Variants in TMEM232 observed in about 807,000 individuals in gnomAD.
TMEM232 encodes the protein transmembrane protein 232.
TMEM232 carries 80 observed loss-of-function variants against 78.8 expected under a neutral mutation model. That is an observed-to-expected ratio of 1.01 (90% CI 0.85 to 1.22). The LOEUF (loss-of-function observed/expected upper bound fraction) is 1.22, where lower values mean the gene tolerates loss of function less well. Among genes scored for constraint, TMEM232 ranks in the 50% most tolerant of loss-of-function variants. The pLI is 0.00. For missense variants in TMEM232, 881 were observed against 742.2 expected (o/e 1.19, Z -2.17); for synonymous variants, 297 against 254.3 (o/e 1.17, Z -1.60).
At chr5:110,645,161 T>C (rs1257318677) in intron 2 of TMEM232, among the ~76,000 whole-genome samples, 1 of 151,526 alleles carries the variant, frequency 6.6e-6, no homozygotes, top group Non-Finnish European at 1.5e-5. Flanking sequence ...CAAAGATGAA[T>C]TACTACCAAC....
chr5:110,471,717 G>A (rs1175666096), intron 12 of TMEM232, among the ~76,000 whole-genome samples: 1 of 151,764 alleles, frequency 6.6e-6, no homozygotes, highest in Non-Finnish European at 1.5e-5. Context: ...ATCTTTTCCA[G>A]ACAAGCAAAA....
intron 1 of TMEM232, among the ~76,000 whole-genome samples, chr5:110,699,415 A>G (rs1051504021): frequency 5.9e-5 from 9 of 152,082 alleles, no homozygotes; most frequent in African/African-American, 2.2e-4. Flanking sequence ...CTTCTTGTAA[A>G]TTTTTGACTC....
In TMEM232 at chr5:110,587,685, ATATATATGTGTGTGTGTGTG is replaced by A. The variant is rs1306649410; in HGVS notation, c.1276+17404_1276+17423del. Among the ~76,000 whole-genome samples, 778 of 90,602 alleles carry A rather than the reference ATATATATGTGTGTGTGTGTG, an allele frequency of 8.6e-3. 6 individuals carry two copies. The highest frequency in any genetic ancestry group is 0.041 in the African/African-American group (730 of 17,876). 59.4% of individuals were successfully genotyped at this position (90,602 alleles called of 152,430 possible). ...TATGTATATATATATATATATATAT[ATATATATGTGTGTGTGTGTG>A]TGTGTGTGTGTGTGTGTGTGTGTGT... On this transcript the variant is annotated intron_variant, in intron 10 of 13. Transcript: ENST00000455884.
chr5:110,387,810 TC>T (rs1755042871), exon 5 of TMEM232: 1 of 152,232 alleles, frequency 6.6e-6, no homozygotes, highest in South Asian at 2.1e-4. Context: ...TTGCCTGTTG[TC>T]CTTTTCACGT....
chr5:110,414,474 T>C (rs1489298128), intron 2 of TMEM232, among the ~76,000 whole-genome samples: 1 of 152,220 alleles, frequency 6.6e-6, no homozygotes, highest in African/African-American at 2.4e-5. Flanking sequence ...TCAGTTCATA[T>C]ATATGTTGCA....
At chr5:110,681,495 T>C (rs1298095612) in intron 1 of TMEM232, among the ~76,000 whole-genome samples, 2 of 152,206 alleles carry the variant, frequency 1.3e-5, no homozygotes, top group Non-Finnish European at 2.9e-5. Flanking sequence ...TTAAGTAAGA[T>C]AAAATATTCT....
At chr5:110,433,256 A>T (rs1197460037) in intron 12 of TMEM232, among the ~76,000 whole-genome samples, 1 of 151,816 alleles carries the variant, frequency 6.6e-6, no homozygotes, top group Non-Finnish European at 1.5e-5. Context: ...AATAGATTTT[A>T]AGCAAAATTA....
chr5:110,457,954 T>C (rs115430266), intron 12 of TMEM232, among the ~76,000 whole-genome samples: 3,054 of 152,212 alleles, frequency 0.02, 95 homozygotes, highest in African/African-American at 0.069. Flanking sequence ...ATAGAAATTG[T>C]GTTTTTCCAC....
chr5:110,592,664 C>T (rs748511589), intron 10 of TMEM232, among the ~76,000 whole-genome samples: 10 of 151,952 alleles, frequency 6.6e-5, no homozygotes, highest in Non-Finnish European at 1.5e-4. Context: ...AAAATGAAAA[C>T]AAAAACAAAA....
At chr5:110,679,361 T>A (rs1407353080) in intron 1 of TMEM232, among the ~76,000 whole-genome samples, 1 of 152,228 alleles carries the variant, frequency 6.6e-6, no homozygotes, top group African/African-American at 2.4e-5. Flanking sequence ...TGGTCCATTT[T>A]TAATCATGTT....
intron 12 of TMEM232, among the ~76,000 whole-genome samples, chr5:110,479,953 A>T (rs1195285838): frequency 6.7e-6 from 1 of 149,440 alleles, no homozygotes; most frequent in Non-Finnish European, 1.5e-5. Flanking sequence ...TCAGCAGAGA[A>T]AAAAATACAT....
chr5:110,630,061 G>C (rs1197485453), intron 5 of TMEM232, among the ~76,000 whole-genome samples: 1 of 152,070 alleles, frequency 6.6e-6, no homozygotes, highest in Non-Finnish European at 1.5e-5. Flanking sequence ...AAGAACAAAA[G>C]GGAGGTTTCC....
At chr5:110,668,296 A>G (rs114820461) in intron 1 of TMEM232, among the ~76,000 whole-genome samples, 1,785 of 152,240 alleles carry the variant, frequency 0.012, 45 homozygotes, top group African/African-American at 0.04. Flanking sequence ...CAGCTATTAA[A>G]GAGTTGTGCT....
intron 12 of TMEM232, among the ~76,000 whole-genome samples, chr5:110,516,166 G>A (rs562788673): frequency 1.3e-5 from 2 of 152,216 alleles, no homozygotes; most frequent in South Asian, 2.1e-4. Context: ...GTGAACCTGG[G>A]AGGCGGAGCT....
intron 12 of TMEM232, among the ~76,000 whole-genome samples, chr5:110,524,208 G>A (rs1395805237): frequency 1.0e-4 from 15 of 144,972 alleles, no homozygotes; most frequent in Non-Finnish European, 1.9e-4. Flanking sequence ...GTTGCAGTAA[G>A]CTGAGATCCA....
intron 12 of TMEM232, among the ~76,000 whole-genome samples, chr5:110,454,064 G>C (rs1760612235): frequency 6.6e-6 from 1 of 152,224 alleles, no homozygotes; most frequent in South Asian, 2.1e-4. Flanking sequence ...AATTATACTT[G>C]GGTAGTTCAA....
chr5:110,640,873 A>G lies in TMEM232; in HGVS notation c.343+18T>C. ...TAGAAAATACTTAGGATGCCTAATA[A>G]GAATTTAAAGTACGTACCATCTTGG... On this transcript the variant is annotated intron_variant, in intron 4 of 13. Coordinates refer to ENST00000455884, the MANE Select transcript of TMEM232 (RefSeq NM_001039763.4). 6.8e-7 allele frequency: 1 copy of G among 1,467,882 alleles called. No individual in the cohort carries two copies. The highest frequency in any genetic ancestry group is 9.1e-7 in the Non-Finnish European group (1 of 1,101,180). 90.9% of individuals were successfully genotyped at this position (1,467,882 alleles called of 1,614,324 possible).
At chr5:110,536,523 C>A (rs1379211856) in intron 11 of TMEM232, among the ~76,000 whole-genome samples, 1 of 152,152 alleles carries the variant, frequency 6.6e-6, no homozygotes, top group African/African-American at 2.4e-5. Flanking sequence ...GCCACTTAAA[C>A]CTTCTTTTCT....
intron 11 of TMEM232, among the ~76,000 whole-genome samples, chr5:110,536,159 G>A (rs1437446975): frequency 1.3e-5 from 2 of 152,124 alleles, no homozygotes; most frequent in African/African-American, 2.4e-5. Context: ...TTGGTAGGCA[G>A]TGCCTAAACA....
Sources: gnomAD v4.1 joint callset for allele counts (sites outside exome capture counted in the v4.1 genomes callset) on GRCh38, gnomAD v4.1.1 for gene constraint, MANE v1.5 for transcripts, NCBI Gene and HGNC (gene_info 2026-07-23, HGNC 2026-07-21) for gene names.